EYS: variants seen among roughly 807,000 people sequenced by gnomAD.
The protein encoded by EYS is EGF-like photoreceptor maintenance factor.
A neutral mutation model predicts 282.1 loss-of-function variants in EYS; 250 were observed. The observed-to-expected ratio is 0.89, with a 90% confidence interval of 0.80 to 0.98. The LOEUF is 0.98. Among genes scored for constraint, EYS ranks in the 50% least tolerant of loss-of-function variants. The pLI is 0.00. For synonymous variants in EYS, 1,355 were observed against 1,282.9 expected (o/e 1.06, Z -1.20); for missense variants, 4,016 against 3,709.0 (o/e 1.08, Z -2.15).
At chr6:63,960,069 C>T (rs73439137) in intron 35 of EYS, among the ~76,000 whole-genome samples, 2 of 151,362 alleles carry the variant, frequency 1.3e-5, no homozygotes, top group African/African-American at 4.9e-5. Context: ...CTATAACTGC[C>T]ATAGGTAGTG....
At chr6:65,625,295 A>G (rs1425876868) in intron 2 of EYS, among the ~76,000 whole-genome samples, 1 of 152,196 alleles carries the variant, frequency 6.6e-6, no homozygotes, top group Admixed American at 6.5e-5. Flanking sequence ...GGAGACTTGG[A>G]GCAGAGAAAC....
At chr6:65,315,586 G>A (rs1195672846) in intron 11 of EYS, among the ~76,000 whole-genome samples, 1 of 149,758 alleles carries the variant, frequency 6.7e-6, no homozygotes, top group African/African-American at 2.5e-5. Flanking sequence ...TATTATGTTT[G>A]TGAAATTCAT....
At chr6:64,007,593 T>C (rs1479039902) in intron 33 of EYS, among the ~76,000 whole-genome samples, 3 of 152,098 alleles carry the variant, frequency 2.0e-5, no homozygotes, top group African/African-American at 7.2e-5. Context: ...AAGTTGTTAA[T>C]TTGAGATCTA....
intron 13 of EYS, among the ~76,000 whole-genome samples, chr6:65,019,780 C>T (rs528614605): frequency 1.3e-5 from 2 of 152,166 alleles, no homozygotes; most frequent in African/African-American, 2.4e-5. Context: ...TAAAGACATC[C>T]CTGAGACTGG....
At position 64,314,246 on chromosome 6, in the gene EYS, A is replaced by G. The variant is rs141589614; in HGVS notation, c.6079-7164T>C. 1.8e-4 allele frequency among the ~76,000 whole-genome samples: 26 copies of G among 145,634 alleles called. No individual in the cohort carries two copies. In the East Asian group the frequency reaches 5.2e-3, roughly 29 times the overall value. On this transcript the variant is annotated intron_variant, in intron 29 of 42. Transcript: ENST00000503581. The stretch of plus-strand genomic sequence containing the variant: ...AGGGGTTGCAATCCTAGTTTCTGAT[A>G]AAACAGACTTCAAACCAACAAAGAT...
chr6:64,965,975 T>TGTGC (rs71720578), intron 14 of EYS, among the ~76,000 whole-genome samples: 1 of 151,446 alleles, frequency 6.6e-6, no homozygotes. Flanking sequence ...TGTGTGTGTG[T>TGTGC]GTGCGCCTGT....
At chr6:64,093,418 CTTT>C (rs1772448727) in intron 31 of EYS, among the ~76,000 whole-genome samples, 1 of 152,146 alleles carries the variant, frequency 6.6e-6, no homozygotes, top group Non-Finnish European at 1.5e-5. Flanking sequence ...TTTGTATCCT[CTTT>C]TATTTCATTG....
intron 12 of EYS, among the ~76,000 whole-genome samples, chr6:65,092,910 A>T (rs1481484621): frequency 6.6e-6 from 1 of 152,188 alleles, no homozygotes; most frequent in East Asian, 1.9e-4. Flanking sequence ...CAGAAAGCTT[A>T]TCTAAAGAAA....
At chr6:64,014,611 G>T (rs114536531) in intron 33 of EYS, among the ~76,000 whole-genome samples, 2,424 of 152,092 alleles carry the variant, frequency 0.016, 48 homozygotes, top group African/African-American at 0.049. Flanking sequence ...AATTTCTGAA[G>T]CACTCTCTGA....
intron 9 of EYS, among the ~76,000 whole-genome samples, chr6:65,350,994 T>C (rs1402000202): frequency 1.3e-5 from 2 of 151,698 alleles, no homozygotes; most frequent in African/African-American, 2.4e-5. Context: ...CATTTTATAT[T>C]TCGTGAGGAA....
intron 36 of EYS, among the ~76,000 whole-genome samples, chr6:63,861,131 A>G (rs1202171889): frequency 6.6e-6 from 1 of 152,126 alleles, no homozygotes; most frequent in Non-Finnish European, 1.5e-5. Flanking sequence ...CTTCATTTGT[A>G]CAAAATAAAA....
At chr6:65,115,551 T>A (rs907942457) in intron 12 of EYS, among the ~76,000 whole-genome samples, 21 of 152,174 alleles carry the variant, frequency 1.4e-4, no homozygotes, top group Admixed American at 1.2e-3. Flanking sequence ...ATTTAAAAAA[T>A]TTATATATTA....
chr6:65,215,061 T>C (rs1766277545), intron 12 of EYS, among the ~76,000 whole-genome samples: 1 of 142,448 alleles, frequency 7.0e-6, no homozygotes, highest in South Asian at 2.1e-4. Flanking sequence ...AGATTAATAT[T>C]GTTTTCATCC....
At chr6:64,455,001 A>T (rs1380325637) in intron 26 of EYS, among the ~76,000 whole-genome samples, 1 of 152,130 alleles carries the variant, frequency 6.6e-6, no homozygotes, top group African/African-American at 2.4e-5. Context: ...CATATATTTA[A>T]CTCATTATAT....
At chr6:65,664,124 C>T (rs1431173194) in intron 1 of EYS, among the ~76,000 whole-genome samples, 1 of 152,054 alleles carries the variant, frequency 6.6e-6, no homozygotes, top group Non-Finnish European at 1.5e-5. Context: ...CCTGCCTCGG[C>T]CTCCCAAAGT....
intron 1 of EYS, among the ~76,000 whole-genome samples, chr6:65,692,297 G>A (rs11759435): frequency 0.23 from 34,464 of 149,498 alleles, 5,577 homozygotes; most frequent in African/African-American, 0.39. Context: ...AATTACCAAC[G>A]GGTACAAAGT....
intron 12 of EYS, among the ~76,000 whole-genome samples, chr6:65,219,502 CT>C (rs544426736): frequency 7.7e-4 from 117 of 152,140 alleles, no homozygotes; most frequent in African/African-American, 2.6e-3. Context: ...TTTAGAGAAA[CT>C]TTTTTTCAGA....
intron 32 of EYS, among the ~76,000 whole-genome samples, chr6:64,076,577 T>G (rs983705123): frequency 6.6e-6 from 1 of 151,876 alleles, no homozygotes; most frequent in Non-Finnish European, 1.5e-5. Context: ...TCTCATGAGA[T>G]CTGATGGTTT....
chr6:64,242,595 T>C (rs1766870701), intron 30 of EYS, among the ~76,000 whole-genome samples: 1 of 152,048 alleles, frequency 6.6e-6, no homozygotes, highest in Middle Eastern at 3.4e-3. Flanking sequence ...TCAGCCCCAA[T>C]TTTTTCCAAT....
Sources: gnomAD v4.1 joint callset for allele counts (sites outside exome capture counted in the v4.1 genomes callset) on GRCh38, gnomAD v4.1.1 for gene constraint, MANE v1.5 for transcripts, NCBI Gene and HGNC (gene_info 2026-07-23, HGNC 2026-07-21) for gene names.